IGF2BP3: variants seen among roughly 807,000 people sequenced by gnomAD.
IGF2BP3 encodes insulin-like growth factor 2 mRNA-binding protein 3.
A neutral mutation model predicts 73.8 loss-of-function variants in IGF2BP3; 9 were observed. The ratio of observed to expected loss-of-function variants is 0.12; its 90% CI spans 0.07 to 0.21. The LOEUF is 0.21. Among genes scored for constraint, IGF2BP3 ranks in the 10% least tolerant of loss-of-function variants. IGF2BP3 has a pLI of 1.00. For synonymous variants in IGF2BP3, 258 were observed against 256.7 expected (o/e 1.01, Z -0.05); for missense variants, 542 against 714.0 (o/e 0.76, Z 2.75).
At chr7:23,425,357 T>C (rs1787478610) in intron 2 of IGF2BP3, among the ~76,000 whole-genome samples, 1 of 152,198 alleles carries the variant, frequency 6.6e-6, no homozygotes, top group South Asian at 2.1e-4. Context: ...TTAATAATTG[T>C]TTACTACATA....
At chr7:23,322,808 A>G (rs958949878) in intron 10 of IGF2BP3, among the ~76,000 whole-genome samples, 1 of 152,218 alleles carries the variant, frequency 6.6e-6, no homozygotes, top group African/African-American at 2.4e-5. Context: ...AGAATTTCAT[A>G]TCCAGCCAAA....
At chr7:23,456,273 T>G (rs1036723579) in intron 2 of IGF2BP3, among the ~76,000 whole-genome samples, 8 of 152,094 alleles carry the variant, frequency 5.3e-5, no homozygotes, top group Non-Finnish European at 1.0e-4. Context: ...CCAGCATTTT[T>G]TTTGTTGTTT....
intron 2 of IGF2BP3, 100 bp downstream of exon 2, chr7:23,468,382 G>T: frequency 8.3e-7 from 1 of 1,202,178 alleles, no homozygotes; most frequent in Non-Finnish European, 1.2e-6. Context: ...ACGCCACACG[G>T]CAGGGGGTAA....
chr7:23,359,543 A>C (rs535005056), intron 5 of IGF2BP3, among the ~76,000 whole-genome samples: 18 of 152,290 alleles, frequency 1.2e-4, no homozygotes, highest in Admixed American at 3.3e-4. Context: ...TATTCAGTAT[A>C]AATCTTTGTA....
intron 3 of IGF2BP3, among the ~76,000 whole-genome samples, chr7:23,371,578 C>T (rs1321092124): frequency 6.6e-6 from 1 of 152,162 alleles, no homozygotes; most frequent in Non-Finnish European, 1.5e-5. Context: ...ACTTGGATAA[C>T]ACTCAAACCA....
intron 2 of IGF2BP3, among the ~76,000 whole-genome samples, chr7:23,459,438 G>A (rs1009150894): frequency 6.6e-6 from 1 of 152,146 alleles, no homozygotes; most frequent in Non-Finnish European, 1.5e-5. Context: ...AAATAACCAG[G>A]TAAAGGTATT....
chr7:23,442,487 G>A (rs951014186), intron 2 of IGF2BP3, among the ~76,000 whole-genome samples: 28 of 151,790 alleles, frequency 1.8e-4, no homozygotes, highest in Admixed American at 5.9e-4. Context: ...AACCACCGTC[G>A]CCCGGGTTCA....
Position 23,398,323 on chromosome 7 carries a change from T to C in IGF2BP3, c.285+20453A>G, listed in dbSNP as rs146489539. 1.7e-3 allele frequency among the ~76,000 whole-genome samples: 261 copies of C among 152,324 alleles called. 2 individuals are homozygous for C. Among genetic ancestry groups the C allele is most frequent in the African/African-American group, 6.0e-3 (251 of 41,570 alleles). On this transcript the variant is annotated intron_variant, in intron 3 of 14. Transcript: ENST00000258729. Reference sequence around the variant, plus strand: ...AATCCAGTCTGTCATTGTTGGACATTTGGGTTGGTTCCAAGTCTTTGCTAC... The same window carrying C: ...AATCCAGTCTGTCATTGTTGGACATCTGGGTTGGTTCCAAGTCTTTGCTAC...
intron 3 of IGF2BP3, among the ~76,000 whole-genome samples, chr7:23,371,595 A>C (rs1232520654): frequency 1.3e-5 from 2 of 152,210 alleles, no homozygotes; most frequent in Non-Finnish European, 2.9e-5. Context: ...ACCATTCCTC[A>C]CACTGGTGTG....
intron 2 of IGF2BP3, among the ~76,000 whole-genome samples, chr7:23,424,496 C>A (rs1223417509): frequency 6.6e-6 from 1 of 151,994 alleles, no homozygotes; most frequent in Non-Finnish European, 1.5e-5. Context: ...GACTCCATCT[C>A]AAAAAATAAA....
chr7:23,322,756 G>T (rs1329960225), intron 10 of IGF2BP3, among the ~76,000 whole-genome samples: 1 of 152,138 alleles, frequency 6.6e-6, no homozygotes, highest in East Asian at 1.9e-4. Flanking sequence ...AAGAGAGTGG[G>T]GGCCGATATT....
chr7:23,332,292 C>T (rs1026118942), intron 10 of IGF2BP3, among the ~76,000 whole-genome samples: 2 of 152,176 alleles, frequency 1.3e-5, no homozygotes, highest in Admixed American at 1.3e-4. Context: ...CATCTCTAAT[C>T]ACCCACCCAT....
Position 23,355,275 on chromosome 7 carries a change from G to A in IGF2BP3, c.402-3689C>T, listed in dbSNP as rs138035830. 5.4e-4 allele frequency among the ~76,000 whole-genome samples: 81 copies of A among 150,268 alleles called. 1 individual carries two copies. In the South Asian group the frequency reaches 5.7e-3, roughly 11 times the overall value. On this transcript the variant is annotated intron_variant, in intron 5 of 14. Coordinates refer to ENST00000258729, the MANE Select transcript of IGF2BP3 (RefSeq NM_006547.3). ...CTCACTTTTTTGCCCAGGCTGGAGC[G>A]CAATGACGCGATCTCGGCTCACTGC...
At chr7:23,364,791 T>C (rs1467825445) in intron 3 of IGF2BP3, among the ~76,000 whole-genome samples, 1 of 152,072 alleles carries the variant, frequency 6.6e-6, no homozygotes, top group Non-Finnish European at 1.5e-5. Context: ...AATAGAGCTT[T>C]ACAGCAACTT....
intron 3 of IGF2BP3, among the ~76,000 whole-genome samples, chr7:23,380,149 C>T (rs1583963591): frequency 1.4e-5 from 2 of 147,300 alleles, no homozygotes; most frequent in East Asian, 2.0e-4. Flanking sequence ...AGACTGCCCA[C>T]TATGCCTCTT....
chr7:23,315,562 A>G (rs1298302466), intron 12 of IGF2BP3, among the ~76,000 whole-genome samples: 1 of 152,222 alleles, frequency 6.6e-6, no homozygotes, highest in Non-Finnish European at 1.5e-5. Flanking sequence ...ACCACAAAAA[A>G]CAATAGTACC....
intron 10 of IGF2BP3, among the ~76,000 whole-genome samples, chr7:23,332,487 A>G (rs1051264037): frequency 6.6e-6 from 1 of 152,230 alleles, no homozygotes; most frequent in African/African-American, 2.4e-5. Context: ...CATTTTTAGA[A>G]CACATACATC....
At chr7:23,377,964 G>A (rs1468562369) in intron 3 of IGF2BP3, among the ~76,000 whole-genome samples, 1 of 152,018 alleles carries the variant, frequency 6.6e-6, no homozygotes, top group African/African-American at 2.4e-5. Flanking sequence ...AGATAGGAGG[G>A]GCAAGTGACT....
At chr7:23,366,999 T>G (rs997292119) in intron 3 of IGF2BP3, among the ~76,000 whole-genome samples, 2 of 149,530 alleles carry the variant, frequency 1.3e-5, no homozygotes, top group Admixed American at 1.3e-4. Flanking sequence ...TTTTTTTTTT[T>G]TTTTTTTTTT....
Sources: allele counts gnomAD v4.1 joint callset (sites outside exome capture counted in the v4.1 genomes callset), GRCh38; gene constraint gnomAD v4.1.1; transcripts MANE v1.5; gene names NCBI Gene and HGNC (gene_info 2026-07-23, HGNC 2026-07-21).